The following DCDC1 variants were observed in gnomAD, a reference collection of about 807,000 sequenced individuals.
The protein encoded by DCDC1 is doublecortin domain-containing protein 1.
Under a neutral mutation model 178.3 loss-of-function variants are expected in DCDC1, and 200 were observed. The observed-to-expected ratio is 1.12, with a 90% CI of 1.00 to 1.26. The LOEUF is 1.26. Among genes scored for constraint, DCDC1 ranks in the 50% most tolerant of loss-of-function variants. The pLI, the probability that DCDC1 is intolerant of heterozygous loss-of-function variation, is 0.00. For missense variants in DCDC1, 1,983 were observed against 1,749.2 expected (o/e 1.13, Z -2.38); for synonymous variants, 690 against 604.8 (o/e 1.14, Z -2.07).
At chr11:31,111,370 G>A (rs1959173014) in intron 11 of DCDC1, among the ~76,000 whole-genome samples, 2 of 151,552 alleles carry the variant, frequency 1.3e-5, no homozygotes, top group Admixed American at 1.3e-4. Context: ...CCTGGTTTTA[G>A]AAATAATGTG....
intron 9 of DCDC1, among the ~76,000 whole-genome samples, chr11:31,142,490 G>A (rs74398638): frequency 2.0e-4 from 5 of 25,578 alleles, no homozygotes; most frequent in East Asian, 0.028. Context: ...GTGTGTGTAT[G>A]TGTGTGTGTG....
At chr11:30,908,540 T>G (rs1375988253) in intron 29 of DCDC1, among the ~76,000 whole-genome samples, 1 of 152,128 alleles carries the variant, frequency 6.6e-6, no homozygotes, top group Non-Finnish European at 1.5e-5. Flanking sequence ...ATGATGAGTA[T>G]GTCAGAAAAT....
At chr11:30,907,816 GC>G (rs1945173082) in intron 29 of DCDC1, among the ~76,000 whole-genome samples, 3 of 151,924 alleles carry the variant, frequency 2.0e-5, no homozygotes, top group African/African-American at 7.2e-5. Context: ...GGCTCGCCAA[GC>G]AAAAAATGGG....
intron 8 of DCDC1, chr11:31,263,018 T>C (rs1303832732): frequency 1.2e-6 from 2 of 1,609,088 alleles, no homozygotes; most frequent in Non-Finnish European, 1.7e-6. Context: ...GCACGAGTCA[T>C]GAATCCGAAT....
intron 8 of DCDC1, among the ~76,000 whole-genome samples, chr11:31,243,697 A>T (rs1032713317): frequency 2.6e-5 from 4 of 151,896 alleles, no homozygotes; most frequent in African/African-American, 9.7e-5. Flanking sequence ...CAGCATAAGC[A>T]GTGTCAGAAT....
intron 20 of DCDC1, among the ~76,000 whole-genome samples, chr11:30,995,357 T>C (rs886706164): frequency 6.6e-6 from 1 of 152,148 alleles, no homozygotes; most frequent in African/African-American, 2.4e-5. Flanking sequence ...ATAGATTCAA[T>C]GTAATTCCAA....
chr11:31,266,393 G>A (rs901850103), intron 7 of DCDC1, among the ~76,000 whole-genome samples: 1 of 152,180 alleles, frequency 6.6e-6, no homozygotes, highest in Non-Finnish European at 1.5e-5. Flanking sequence ...CTCACAAGGT[G>A]AGGAAAATTA....
Position 31,102,569 on chromosome 11 carries a change from T to C in DCDC1, c.1878-287A>G, listed in dbSNP as rs34312700. Among the ~76,000 whole-genome samples the C allele has an allele frequency of 8.4e-3, 1,276 of 152,274 alleles. 9 individuals are homozygous for C. The highest frequency in any genetic ancestry group is 0.014 in the Non-Finnish European group (972 of 68,010). ...CTTTTGGTTCTCTGTATTTGCCTTC[T>C]ACTTCAGCATTTTCAACTGTTTATT... is the stretch of plus-strand genomic sequence containing the variant. On this transcript the variant is annotated intron_variant, in intron 14 of 38. Transcript: ENST00000684477.
At chr11:31,036,775 A>G (rs918674577) in intron 20 of DCDC1, among the ~76,000 whole-genome samples, 1 of 152,194 alleles carries the variant, frequency 6.6e-6, no homozygotes, top group African/African-American at 2.4e-5. Flanking sequence ...ACATAGAGTC[A>G]ACTGTAATGA....
At chr11:31,145,924 C>T (rs968627455) in intron 9 of DCDC1, among the ~76,000 whole-genome samples, 1 of 152,148 alleles carries the variant, frequency 6.6e-6, no homozygotes, top group African/African-American at 2.4e-5. Flanking sequence ...CAATACATTA[C>T]ATCACATGCA....
chr11:30,988,729 C>CA (rs1047109827), intron 20 of DCDC1, among the ~76,000 whole-genome samples: 2 of 151,948 alleles, frequency 1.3e-5, no homozygotes, highest in South Asian at 2.1e-4. Flanking sequence ...AAAAAAAACG[C>CA]AAAAAAATCT....
At chr11:31,240,278 T>C (rs80312553) in intron 9 of DCDC1, among the ~76,000 whole-genome samples, 86 of 152,152 alleles carry the variant, frequency 5.7e-4, no homozygotes, top group Non-Finnish European at 9.1e-4. Flanking sequence ...AATGGCTTAA[T>C]AAAGAACATT....
intron 21 of DCDC1, among the ~76,000 whole-genome samples, chr11:30,934,638 G>A (rs1329648420): frequency 1.3e-5 from 2 of 152,258 alleles, no homozygotes; most frequent in South Asian, 2.1e-4. Flanking sequence ...CAATCACAGA[G>A]TCTTATAGGT....
intron 8 of DCDC1, among the ~76,000 whole-genome samples, chr11:31,248,105 G>C (rs2136953727): frequency 6.6e-6 from 1 of 152,028 alleles, no homozygotes; most frequent in African/African-American, 2.4e-5. Flanking sequence ...TTAGTTTTAG[G>C]GAGGATAATG....
intron 2 of DCDC1, among the ~76,000 whole-genome samples, chr11:31,329,153 G>A (rs189055443): frequency 2.8e-4 from 42 of 152,040 alleles, no homozygotes; most frequent in African/African-American, 9.6e-4. Context: ...AAGAAAGCAA[G>A]CAGGGCTCTA....
chr11:31,182,425 A>T (rs566741332), intron 9 of DCDC1, among the ~76,000 whole-genome samples: 7 of 152,206 alleles, frequency 4.6e-5, no homozygotes, highest in Non-Finnish European at 8.8e-5. Flanking sequence ...GCAAATATTC[A>T]ACATTCTAAA....
chr11:31,185,045 G>A (rs955432759), intron 9 of DCDC1, among the ~76,000 whole-genome samples: 1 of 152,222 alleles, frequency 6.6e-6, no homozygotes, highest in African/African-American at 2.4e-5. Flanking sequence ...TAAAGAAAAT[G>A]TGGCACATAT....
chr11:30,919,915 T>C (rs948368915), intron 25 of DCDC1, among the ~76,000 whole-genome samples: 2 of 152,180 alleles, frequency 1.3e-5, no homozygotes, highest in Non-Finnish European at 2.9e-5. Flanking sequence ...CCCTCAACGT[T>C]CCCAGGCTGG....
At chr11:30,945,738 ATCTATCTATCTGTCTG>A (rs766115673) in intron 21 of DCDC1, among the ~76,000 whole-genome samples, 2,172 of 142,134 alleles carry the variant, frequency 0.015, 53 homozygotes, top group African/African-American at 0.056. Flanking sequence ...CTATCTATCT[ATCTATCTATCTGTCTG>A]TCTGTCTATC....
Sources: allele counts gnomAD v4.1 joint callset (sites outside exome capture counted in the v4.1 genomes callset), GRCh38; gene constraint gnomAD v4.1.1; transcripts MANE v1.5; gene names NCBI Gene and HGNC (gene_info 2026-07-23, HGNC 2026-07-21).